The following SLC22A8 variants were observed in gnomAD, a reference collection of about 807,000 sequenced individuals.
SLC22A8 encodes solute carrier family 22 member 8, also known as organic anion transporter 3.
SLC22A8 carries 40 observed loss-of-function variants against 48.4 expected under a neutral mutation model. The observed-to-expected ratio is 0.83, with a 90% CI of 0.64 to 1.08. SLC22A8 has a LOEUF of 1.08. SLC22A8 is among the 50% of genes least tolerant of loss of function. The pLI is 0.00. For missense variants in SLC22A8, 606 were observed against 699.0 expected (o/e 0.87, Z 1.50); for synonymous variants, 268 against 286.3 (o/e 0.94, Z 0.65).
chr11:62,996,855 A>T (rs1017435909), intron 5 of SLC22A8, among the ~76,000 whole-genome samples: 1 of 152,228 alleles, frequency 6.6e-6, no homozygotes, highest in African/African-American at 2.4e-5. Context: ...GGGAGAAAGG[A>T]GTGGTGTTTG....
chr11:62,996,066 T>C lies in SLC22A8; in HGVS notation c.848A>G (p.Asn283Ser), dbSNP rs1448411577. 1.9e-6 allele frequency: 3 copies of C among 1,614,128 alleles called. No homozygotes were observed. The highest frequency in any genetic ancestry group is 1.7e-6 in the Non-Finnish European group (2 of 1,180,006). Reference sequence around the variant, plus strand: ...CCTTTCTCCCTCTTCCTTCTTGCCATTGAAGACAGCCACCCGCCGGAGTAT... The same window carrying C: ...CCTTTCTCCCTCTTCCTTCTTGCCACTGAAGACAGCCACCCGCCGGAGTAT... ...LKILRRVAVF[N>S]GKKEEGERLS... is the part of the protein sequence containing the mutation. The change falls in exon 6 of 11, where the codon AAT becomes AGT. Residue 283 changes from asparagine to serine, a missense_variant. Transcript: ENST00000336232.
intron 2 of SLC22A8, among the ~76,000 whole-genome samples, chr11:63,004,897 G>T (rs2086537374): frequency 6.6e-6 from 1 of 152,156 alleles, no homozygotes; most frequent in Admixed American, 6.5e-5. Flanking sequence ...AGGTCATAGG[G>T]CCCACACTCC....
intron 2 of SLC22A8, among the ~76,000 whole-genome samples, chr11:63,008,699 A>G (rs965257103): frequency 1.3e-5 from 2 of 152,164 alleles, no homozygotes; most frequent in Non-Finnish European, 2.9e-5. Context: ...AATGCCATTA[A>G]GTCATTGTAA....
chr11:63,012,041 G>A (rs1421395520), intron 2 of SLC22A8, among the ~76,000 whole-genome samples: 18 of 150,948 alleles, frequency 1.2e-4, no homozygotes, highest in Admixed American at 1.2e-3. Flanking sequence ...CCAGGCTGGA[G>A]TGCAGTGGTG....
intron 2 of SLC22A8, among the ~76,000 whole-genome samples, chr11:63,012,024 T>C (rs1190389165): frequency 6.6e-6 from 1 of 151,316 alleles, no homozygotes; most frequent in African/African-American, 2.4e-5. Context: ...GTTGTCTTGC[T>C]CTGTGCCCAG....
Position 62,993,798 on chromosome 11 carries a change from T to C in SLC22A8, c.1297A>G (p.Thr433Ala). Residue 433 changes from threonine to alanine, a missense_variant, in exon 9 of 11, where the codon ACA (threonine) becomes GCA (alanine). By Grantham distance (58) the Thr-to-Ala change is moderately conservative (BLOSUM62 0). Transcript: ENST00000336232. Reference sequence around the variant, plus strand: ...ATGACTGTGGGGTATAATTCACTTGTGTAGAGGAAGAGGCAGCTGAAGGAG... The same window carrying C: ...ATGACTGTGGGGTATAATTCACTTGCGTAGAGGAAGAGGCAGCTGAAGGAG... The part of the protein sequence containing the change: ...SSSFSCLFLY[T>A]SELYPTVIRQ... 6.2e-7 allele frequency: 1 copy of C among 1,613,680 alleles called. No homozygotes were observed.
chr11:62,993,879 C>A lies in SLC22A8; in HGVS notation c.1217-1G>T. ...AATACTGTCCTCACGGTCTGCAAGT[C>A]TGCAGAGGGAAGAAAATGTGGTGGG... On this transcript the variant is annotated splice_acceptor_variant, in intron 8 of 10. Transcript: ENST00000336232. LOFTEE classifies it high-confidence loss of function. 1.3e-6 allele frequency: 2 copies of A among 1,595,204 alleles called. No homozygotes were observed. The highest frequency in any genetic ancestry group is 1.7e-6 in the Non-Finnish European group (2 of 1,162,804).
At chr11:62,994,237 T>C in intron 8 of SLC22A8, 2 of 526,166 alleles carry the variant, frequency 3.8e-6, no homozygotes, top group Non-Finnish European at 6.8e-6. Flanking sequence ...ATGAGCTCTG[T>C]CGTTTTACCA....
At chr11:62,995,485 T>G in intron 7 of SLC22A8, 7 of 562,016 alleles carry the variant, frequency 1.2e-5, no homozygotes, top group East Asian at 6.0e-5. Context: ...GGGTGGGGCA[T>G]TGTGACCCCA....
intron 2 of SLC22A8, among the ~76,000 whole-genome samples, chr11:63,011,460 G>C (rs575095511): frequency 2.5e-4 from 38 of 152,110 alleles, no homozygotes; most frequent in Non-Finnish European, 4.4e-4. Flanking sequence ...TGGGCGGTGG[G>C]TTTTACTCCT....
At chr11:63,011,347 C>A (rs1253961872) in intron 2 of SLC22A8, among the ~76,000 whole-genome samples, 2 of 152,212 alleles carry the variant, frequency 1.3e-5, no homozygotes, top group East Asian at 3.8e-4. Flanking sequence ...TTAGAACCAT[C>A]TGGCACAGTG....
intron 2 of SLC22A8, among the ~76,000 whole-genome samples, chr11:63,013,761 C>T (rs769959826): frequency 1.3e-5 from 2 of 152,166 alleles, no homozygotes; most frequent in Admixed American, 6.5e-5. Flanking sequence ...CGGAGCATCA[C>T]GTTGGAATCA....
chr11:62,995,856 C>T (rs1310788211), intron 6 of SLC22A8, 37 bp from the exon 7 acceptor site: 3 of 1,548,122 alleles, frequency 1.9e-6, no homozygotes, highest in Non-Finnish European at 2.7e-6. Context: ...CCATTAATGA[C>T]CAGCTAGTGG....
At chr11:62,993,687 C>G (rs2086373100) in intron 9 of SLC22A8, 60 bp from the exon 10 acceptor site, 2 of 1,599,234 alleles carry the variant, frequency 1.3e-6, no homozygotes, top group Admixed American at 3.3e-5. Flanking sequence ...AGGATGGCTC[C>G]CCTGGGTAGA....
chr11:62,993,886 G>C lies in SLC22A8; in HGVS notation c.1217-8C>G. 1.3e-6 allele frequency: 2 copies of C among 1,576,636 alleles called. No individual in the cohort carries two copies. The highest frequency in any genetic ancestry group is 3.3e-5 in the Admixed American group (2 of 59,982). ...TCCTCACGGTCTGCAAGTCTGCAGA[G>C]GGAAGAAAATGTGGTGGGCCTTGGA... On this transcript the variant is annotated splice_region_variant and splice_polypyrimidine_tract_variant and intron_variant, in intron 8 of 10. Transcript: ENST00000336232.
chr11:63,014,730 C>A lies in SLC22A8; in HGVS notation c.229G>T (p.Val77Leu). 6.2e-7 allele frequency: 1 copy of A among 1,614,088 alleles called. No individual in the cohort carries two copies. Among genetic ancestry groups the A allele is most frequent in the Non-Finnish European group, 8.5e-7 (1 of 1,179,976 alleles). ...GGCAGGCTGGCATTGGGCGGATGTA[C>A]AAAACGGAGGCACCTCTCAGGCTTC... Reference protein sequence around the residue: ...NGKPERCLRFVHPPNASLPND... With the variant: ...NGKPERCLRFLHPPNASLPND... The change falls in exon 2 of 11, where the codon GTA becomes TTA. Residue 77 changes from valine to leucine, a missense_variant. By Grantham distance (32) the Val-to-Leu change is conservative (BLOSUM62 1). Transcript: ENST00000336232.
chr11:62,996,230 C>A, intron 5 of SLC22A8, 78 bp from the exon 6 acceptor site: 4 of 1,442,276 alleles, frequency 2.8e-6, no homozygotes, highest in Non-Finnish European at 3.8e-6. Context: ...CATCAACAGC[C>A]AGGGCCAAGG....
Position 62,993,629 on chromosome 11 carries a change from T to C in SLC22A8, c.1326-2A>G, listed in dbSNP as rs759355771. On this transcript the variant is annotated splice_acceptor_variant, in intron 9 of 10. Transcript: ENST00000336232. LOFTEE classifies it high-confidence loss of function. ...TTACTTACGCCCATACCTGTTTGCC[T>C]GCGAGGGTTCAGAGTAGGGATTGGT... 3 of 1,605,712 alleles carry C rather than the reference T, an allele frequency of 1.9e-6. No homozygotes were observed. In the South Asian group the frequency reaches 3.3e-5, roughly 18 times the overall value.
At position 63,014,964 on chromosome 11, in the gene SLC22A8, TG is replaced by T; in HGVS notation, c.-7del. ...AGGATCTCCGAGAAGGTCATGGCAC[TG>T]GGGCAAGACGAGCCAGAGCTGTGGG... On this transcript the variant is annotated 5_prime_UTR_variant, in exon 2 of 11. Transcript: ENST00000336232. 6.5e-7 allele frequency: 1 copy of T among 1,539,218 alleles called. No homozygotes were observed.
Sources: gnomAD v4.1 joint callset for allele counts (sites outside exome capture counted in the v4.1 genomes callset) on GRCh38, gnomAD v4.1.1 for gene constraint, MANE v1.5 for transcripts, NCBI Gene and HGNC (gene_info 2026-07-23, HGNC 2026-07-21) for gene names.